The following GSPT1 variants were observed in gnomAD, a reference collection of about 807,000 sequenced individuals.
GSPT1 encodes the protein eukaryotic peptide chain release factor GTP-binding subunit ERF3A.
Under a neutral mutation model 72.5 loss-of-function variants are expected in GSPT1, and 20 were observed. The ratio of observed to expected loss-of-function variants is 0.28; its 90% CI spans 0.19 to 0.40. GSPT1 has a LOEUF of 0.40. GSPT1 is among the 10% of genes least tolerant of loss of function. GSPT1 has a pLI of 1.00. For missense variants in GSPT1, 580 were observed against 811.9 expected, an observed-to-expected ratio of 0.71 and a Z score of 3.47; for synonymous variants, 334 against 293.5, an observed-to-expected ratio of 1.14 and a Z score of -1.41.
At chr16:11,910,436 T>C (rs1233669497) in intron 1 of GSPT1, among the ~76,000 whole-genome samples, 2 of 152,212 alleles carry the variant, frequency 1.3e-5, no homozygotes, top group African/African-American at 4.8e-5. Flanking sequence ...TTCAAGTGCC[T>C]AGCATAGCAT....
chr16:11,880,011 C>T (rs1183874802), intron 11 of GSPT1, among the ~76,000 whole-genome samples: 3 of 152,140 alleles, frequency 2.0e-5, no homozygotes, highest in African/African-American at 4.8e-5. Flanking sequence ...CCCGTTCACC[C>T]GAACCCTGGC....
chr16:11,897,076 T>G (rs1026974739), intron 3 of GSPT1, among the ~76,000 whole-genome samples: 1 of 152,160 alleles, frequency 6.6e-6, no homozygotes, highest in Non-Finnish European at 1.5e-5. Flanking sequence ...AGTTCTAACA[T>G]TCCCAACAGC....
chr16:11,886,767 C>T lies in GSPT1; in HGVS notation c.1112+10G>A, dbSNP rs1158348092. 1 of 1,611,308 alleles carries T rather than the reference C, an allele frequency of 6.2e-7. No individual in the cohort carries two copies. Among genetic ancestry groups the T allele is most frequent in the African/African-American group, 1.3e-5 (1 of 74,860 alleles). On this transcript the variant is annotated intron_variant, in intron 8 of 14. Coordinates refer to ENST00000434724, the MANE Select transcript of GSPT1 (RefSeq NM_002094.4). Reference sequence around the variant, plus strand: ...CCCACTAACATAAAATACCAGACATCTACGCTCACCTCTCATTGCTCCAAT... The same window carrying T: ...CCCACTAACATAAAATACCAGACATTTACGCTCACCTCTCATTGCTCCAAT...
chr16:11,868,816 A>G lies in GSPT1; in HGVS notation c.*4303T>C, dbSNP rs982084990. On this transcript the variant is annotated 3_prime_UTR_variant, in exon 15 of 15. Coordinates refer to ENST00000434724, the MANE Select transcript of GSPT1 (RefSeq NM_002094.4). The stretch of plus-strand genomic sequence containing the variant: ...AGTGGCAAATGTGACAAGGCAGAAA[A>G]CAATAACCATTTCAAGGATCACTTA... 3.9e-5 allele frequency: 6 copies of G among 152,206 alleles called. No individual in the cohort carries two copies. The highest frequency in any genetic ancestry group is 3.3e-4 in the Admixed American group (5 of 15,288). The allele number at this position is 152,206 out of a possible 1,614,324, so 9.4% of individuals were successfully genotyped here.
intron 14 of GSPT1, among the ~76,000 whole-genome samples, chr16:11,873,866 G>A (rs2054006736): frequency 6.6e-6 from 1 of 152,136 alleles, no homozygotes; most frequent in African/African-American, 2.4e-5. Context: ...TGGGATTACA[G>A]GGGTGAGCCA....
At chr16:11,876,022 T>C in intron 13 of GSPT1, 64 bp downstream of exon 13, 1 of 1,450,494 alleles carries the variant, frequency 6.9e-7, no homozygotes. Flanking sequence ...TCACTGTTGC[T>C]GATTAGAAAT....
intron 11 of GSPT1, among the ~76,000 whole-genome samples, chr16:11,880,020 G>A (rs190483122): frequency 1.3e-5 from 2 of 152,202 alleles, no homozygotes; most frequent in Admixed American, 6.5e-5. Context: ...CCGAACCCTG[G>A]CAACCACCAT....
chr16:11,914,945 C>G (rs1161843565), intron 1 of GSPT1: 3 of 1,128,640 alleles, frequency 2.7e-6, no homozygotes, highest in Admixed American at 4.6e-5. Flanking sequence ...AAGGAAAACT[C>G]GGCCATTCGT....
At chr16:11,875,668 A>C in intron 14 of GSPT1, 93 bp downstream of exon 14, 1 of 837,392 alleles carries the variant, frequency 1.2e-6, no homozygotes. Context: ...TTTTCTGTGA[A>C]CCTGTTGCAA....
intron 7 of GSPT1, 51 bp downstream of exon 7, chr16:11,887,519 T>C: frequency 2.1e-6 from 3 of 1,417,068 alleles, no homozygotes; most frequent in Non-Finnish European, 3.0e-6. Flanking sequence ...TTTAAAGATA[T>C]AAGCGGGGCT....
In GSPT1 at chr16:11,915,817, G is replaced by A; in HGVS notation, c.-97C>T. On this transcript the variant is annotated 5_prime_UTR_variant, in exon 1 of 15. Transcript: ENST00000434724. ...TGGGCAACGCTGACTGAGGGAAGGC[G>A]GCGGGGCAGAAGGGCCGGGAGCTAG... 6.4e-7 allele frequency: 1 copy of A among 1,556,994 alleles called. No individual in the cohort carries two copies. Among genetic ancestry groups the A allele is most frequent in the Non-Finnish European group, 8.7e-7 (1 of 1,148,302 alleles).
Position 11,886,842 on chromosome 16 carries a change from A to G in GSPT1, c.1047T>C (p.Gly349=), listed in dbSNP as rs1177882551. 8.7e-6 allele frequency: 14 copies of G among 1,613,366 alleles called. No individual in the cohort carries two copies. The highest frequency in any genetic ancestry group is 1.2e-5 in the Non-Finnish European group (14 of 1,179,336). Residue 349 remains glycine, a synonymous_variant, in exon 8 of 15, where the codon GGT becomes GGC. Transcript: ENST00000434724. The stretch of plus-strand genomic sequence containing the variant: ...TAATTAGCACAATTAGGTGTTTTAC[A>G]CCTGCTGTCTTTGCCAACATTGCAT... ...REHAMLAKTA[G]VKHLIVLINK... is the part of the protein sequence containing the mutation.
chr16:11,915,168 C>T, intron 1 of GSPT1: 1 of 1,032,934 alleles, frequency 9.7e-7, no homozygotes. Flanking sequence ...GCCCGCTGTC[C>T]GCTCCCCGCC....
At position 11,876,152 on chromosome 16, in the gene GSPT1, G is replaced by A; in HGVS notation, c.1626C>T (p.Ser542=). ...DAQIVIIEHK[S]IICPGYNAVL... ...CCGCATTATAGCCTGGGCAGATGATGGATTTGTGCTCTATAATCACTATCT... is the reference window on the plus strand; with the variant it reads ...CCGCATTATAGCCTGGGCAGATGATAGATTTGTGCTCTATAATCACTATCT... The change falls in exon 13 of 15, where the codon TCC becomes TCT. Residue 542 remains serine, a synonymous_variant. Transcript: ENST00000434724. 1 of 1,604,876 alleles carries A rather than the reference G, an allele frequency of 6.2e-7. No individual in the cohort carries two copies. Among genetic ancestry groups the A allele is most frequent in the Non-Finnish European group, 8.5e-7 (1 of 1,171,620 alleles).
At chr16:11,896,820 A>G in intron 3 of GSPT1, 35 bp from the exon 4 acceptor site, 1 of 1,311,772 alleles carries the variant, frequency 7.6e-7, no homozygotes, top group Non-Finnish European at 1.1e-6. Flanking sequence ...TATTCTGAAA[A>G]AGACTTACAA....
At position 11,877,395 on chromosome 16, in the gene GSPT1, T is replaced by C; in HGVS notation, c.1602+12A>G. The C allele has an allele frequency of 1.9e-6, 3 of 1,551,528 alleles. No individual in the cohort carries two copies. Among genetic ancestry groups the C allele is most frequent in the Non-Finnish European group, 2.6e-6 (3 of 1,145,196 alleles). On this transcript the variant is annotated intron_variant, in intron 12 of 14. Transcript: ENST00000434724. The surrounding 1 kb of genome is among the most constrained non-coding windows in gnomAD (Gnocchi z 4.0). Reference sequence around the variant, plus strand: ...TTAAAACCCACTATGACAACAACAATAATTTGTTTACCTGGGCATCAAATG... The same window carrying C: ...TTAAAACCCACTATGACAACAACAACAATTTGTTTACCTGGGCATCAAATG...
chr16:11,888,189 G>C (rs1488866413), intron 6 of GSPT1, among the ~76,000 whole-genome samples: 1 of 152,016 alleles, frequency 6.6e-6, no homozygotes, highest in African/African-American at 2.4e-5. Flanking sequence ...AATAGGGCTG[G>C]GCGCAGTGGC....
chr16:11,887,799 T>A, intron 6 of GSPT1, 49 bp from the exon 7 acceptor site: 1 of 1,225,444 alleles, frequency 8.2e-7, no homozygotes, highest in Middle Eastern at 1.9e-4. Context: ...ACATCAGAGT[T>A]TTTAGGATAT....
chr16:11,875,990 C>T (rs1215095318), intron 13 of GSPT1, 61 bp from the exon 14 acceptor site: 3 of 1,518,338 alleles, frequency 2.0e-6, no homozygotes, highest in African/African-American at 2.8e-5. Context: ...TCTTTAAGAA[C>T]AGGTGTAGAA....
Sources: gnomAD v4.1 joint callset for allele counts (sites outside exome capture counted in the v4.1 genomes callset) on GRCh38, gnomAD v4.1.1 for gene constraint, Gnocchi (gnomAD v3.1) non-coding constraint, MANE v1.5 for transcripts, NCBI Gene and HGNC (gene_info 2026-07-23, HGNC 2026-07-21) for gene names.